The following TNS3 variants were observed in gnomAD, a reference collection of about 807,000 sequenced individuals.
The protein encoded by TNS3 is tensin 3, also known as tensin-3.
TNS3 carries 45 observed loss-of-function variants against 140.9 expected under a neutral mutation model. The observed-to-expected ratio is 0.32, with a 90% CI of 0.25 to 0.41. The LOEUF is 0.41. TNS3 is among the 10% of genes least tolerant of loss of function. The probability of loss-of-function intolerance (pLI) is 1.00; values close to 1 mark genes in which losing one functional copy is unlikely to be tolerated. For synonymous variants in TNS3, 815 were observed against 788.4 expected (o/e 1.03, Z -0.56); for missense variants, 1,716 against 1,906.7 (o/e 0.90, Z 1.86).
intron 12 of TNS3, among the ~76,000 whole-genome samples, chr7:47,412,241 T>C (rs955592358): frequency 6.6e-6 from 1 of 152,234 alleles, no homozygotes; most frequent in African/African-American, 2.4e-5. Context: ...TACTGACTTT[T>C]CATAAAATGC....
At chr7:47,538,726 T>G (rs1176877893) in intron 1 of TNS3, among the ~76,000 whole-genome samples, 2 of 152,346 alleles carry the variant, frequency 1.3e-5, no homozygotes, top group Non-Finnish European at 1.5e-5. Context: ...CACACCATTC[T>G]GGGTTCCAAT....
At chr7:47,502,685 C>G (rs3111215) in intron 3 of TNS3, among the ~76,000 whole-genome samples, 53,077 of 152,142 alleles carry the variant, frequency 0.35, 10,757 homozygotes, top group Non-Finnish European at 0.46. Context: ...CTCAAGCAGC[C>G]AGCTGGAGAG....
intron 30 of TNS3, 182 bp from the exon 31 acceptor site, chr7:47,278,402 T>A: frequency 1.6e-6 from 1 of 639,242 alleles, no homozygotes; most frequent in African/African-American, 1.8e-5. Flanking sequence ...TTCACAGACC[T>A]ACAGATGGGA....
intron 27 of TNS3, among the ~76,000 whole-genome samples, chr7:47,291,391 C>T (rs1044291740): frequency 6.6e-6 from 1 of 152,148 alleles, no homozygotes; most frequent in Non-Finnish European, 1.5e-5. Flanking sequence ...ATGTGCATCA[C>T]TTTGCTGGGG....
At chr7:47,475,079 AAC>A (rs984740431) in intron 4 of TNS3, among the ~76,000 whole-genome samples, 3 of 151,174 alleles carry the variant, frequency 2.0e-5, no homozygotes, top group African/African-American at 4.9e-5. Context: ...CCTCACGTAC[AAC>A]ACACACACTG....
chr7:47,466,472 T>C (rs1418101384), intron 4 of TNS3, among the ~76,000 whole-genome samples: 1 of 152,196 alleles, frequency 6.6e-6, no homozygotes, highest in African/African-American at 2.4e-5. Context: ...CTCCTCTTTT[T>C]GCAATGTATT....
intron 16 of TNS3, among the ~76,000 whole-genome samples, chr7:47,390,390 C>G (rs1359439056): frequency 6.6e-6 from 1 of 152,228 alleles, no homozygotes; most frequent in Non-Finnish European, 1.5e-5. Flanking sequence ...AACATGTCCT[C>G]GTGGTAGCCC....
chr7:47,380,429 T>C (rs1219905458), intron 16 of TNS3, among the ~76,000 whole-genome samples: 1 of 152,198 alleles, frequency 6.6e-6, no homozygotes, highest in African/African-American at 2.4e-5. Flanking sequence ...GCCAGAGAGC[T>C]TGCAAACAGC....
intron 1 of TNS3, among the ~76,000 whole-genome samples, chr7:47,530,838 A>AAAAAAAAT: frequency 5.5e-5 from 3 of 54,564 alleles, no homozygotes; most frequent in African/African-American, 2.4e-4. Context: ...AAAAAAAAAA[A>AAAAAAAAT]ATATATATAT....
intron 2 of TNS3, among the ~76,000 whole-genome samples, chr7:47,525,370 G>A (rs546312338): frequency 9.2e-5 from 14 of 152,338 alleles, no homozygotes; most frequent in Admixed American, 7.2e-4. Context: ...TGCCAGAAGC[G>A]TGTGAAATTT....
intron 16 of TNS3, among the ~76,000 whole-genome samples, chr7:47,384,708 C>T (rs531966631): frequency 6.6e-6 from 1 of 152,250 alleles, no homozygotes; most frequent in South Asian, 2.1e-4. Flanking sequence ...TGCATGTATC[C>T]AGCCCTTCCC....
chr7:47,484,471 C>G (rs1797538118), intron 3 of TNS3, among the ~76,000 whole-genome samples: 1 of 152,198 alleles, frequency 6.6e-6, no homozygotes, highest in Non-Finnish European at 1.5e-5. Context: ...GGTAAGCTGA[C>G]CACAGACAGA....
intron 2 of TNS3, among the ~76,000 whole-genome samples, chr7:47,507,955 C>T (rs1353143685): frequency 1.3e-5 from 2 of 152,180 alleles, no homozygotes; most frequent in Non-Finnish European, 2.9e-5. Flanking sequence ...TCCCACGGAG[C>T]TATCATGGGT....
chr7:47,441,710 G>T (rs1795474224), intron 5 of TNS3, among the ~76,000 whole-genome samples: 1 of 152,164 alleles, frequency 6.6e-6, no homozygotes, highest in Admixed American at 6.5e-5. Flanking sequence ...GCTCTTGCCA[G>T]CACACCCTGG....
rs1336851183 is a variant in TNS3 at position 47,501,472 on chromosome 7, G to C, written c.-115+5435C>G. 2.0e-5 allele frequency among the ~76,000 whole-genome samples: 3 copies of C among 152,210 alleles called. No homozygotes were observed. The East Asian group carries it at 5.8e-4, about 29-fold the overall frequency. ...AGCCTCCGTGGCCTGTGTGCTGGCA[G>C]GAAAGACAGGCCCCTGCCCTGAGCA... On this transcript the variant is annotated intron_variant, in intron 3 of 30. Transcript: ENST00000311160.
At chr7:47,445,644 A>T (rs1388302565) in intron 4 of TNS3, among the ~76,000 whole-genome samples, 1 of 152,158 alleles carries the variant, frequency 6.6e-6, no homozygotes, top group Non-Finnish European at 1.5e-5. Flanking sequence ...CTGAGATCTC[A>T]TGTGACTAAA....
chr7:47,468,046 T>TA (rs1040089627), intron 4 of TNS3, among the ~76,000 whole-genome samples: 2,597 of 148,792 alleles, frequency 0.017, 73 homozygotes, highest in African/African-American at 0.058. Context: ...TGCAGACATT[T>TA]AAAAAAAAAA....
At chr7:47,574,404 C>T (rs773905545) in intron 1 of TNS3, among the ~76,000 whole-genome samples, 4 of 151,966 alleles carry the variant, frequency 2.6e-5, no homozygotes, top group Non-Finnish European at 4.4e-5. Context: ...TTAAGGACAG[C>T]GGGTGGACAC....
intron 20 of TNS3, among the ~76,000 whole-genome samples, chr7:47,331,897 C>T (rs1788363417): frequency 6.6e-6 from 1 of 152,196 alleles, no homozygotes; most frequent in African/African-American, 2.4e-5. Flanking sequence ...GACAGCCTGG[C>T]CAATGCCTAT....
Sources: allele counts gnomAD v4.1 joint callset (sites outside exome capture counted in the v4.1 genomes callset), GRCh38; gene constraint gnomAD v4.1.1; transcripts MANE v1.5; gene names NCBI Gene and HGNC (gene_info 2026-07-23, HGNC 2026-07-21).